Variants in SSR1 observed in about 807,000 individuals in gnomAD.
The protein encoded by SSR1 is signal sequence receptor subunit 1.
A neutral mutation model predicts 36.1 loss-of-function variants in SSR1; 13 were observed. The observed-to-expected ratio is 0.36, with a 90% CI of 0.23 to 0.57. The LOEUF is 0.57. SSR1 is among the 20% of genes least tolerant of loss of function. The pLI is 0.81. For missense variants in SSR1, 291 were observed against 338.5 expected, an observed-to-expected ratio of 0.86 and a Z score of 1.10; for synonymous variants, 113 against 118.9, an observed-to-expected ratio of 0.95 and a Z score of 0.32.
In SSR1 at chr6:7,289,709, T is replaced by G; in HGVS notation, c.*155A>C. 1.5e-6 allele frequency: 1 copy of G among 665,234 alleles called. No individual in the cohort carries two copies. The highest frequency in any genetic ancestry group is 2.5e-6 in the Non-Finnish European group (1 of 407,912). The allele number at this position is 665,234 out of a possible 1,614,324, so 41.2% of individuals were successfully genotyped here. ...TTAGAAAAATGAATGCAGTGCATTT[T>G]CAGCAATATTATCGCCACAGACTCT... On this transcript the variant is annotated 3_prime_UTR_variant, in exon 8 of 8. Transcript: ENST00000244763.
intron 2 of SSR1, among the ~76,000 whole-genome samples, chr6:7,306,651 T>G (rs955050348): frequency 7.9e-5 from 12 of 151,254 alleles, no homozygotes; most frequent in Middle Eastern, 3.4e-3. Context: ...GTGCAGTGGC[T>G]CATGCCTGTA....
At chr6:7,298,555 C>T (rs894366237) in intron 5 of SSR1, 192 bp downstream of exon 5, 1 of 533,830 alleles carries the variant, frequency 1.9e-6, no homozygotes, top group Admixed American at 3.3e-5. Flanking sequence ...CCATCAGTTT[C>T]AACTATCTTT....
chr6:7,311,082 T>C (rs1382910874), intron 1 of SSR1, among the ~76,000 whole-genome samples: 1 of 152,232 alleles, frequency 6.6e-6, no homozygotes, highest in Non-Finnish European at 1.5e-5. Flanking sequence ...ATGAAAAACA[T>C]TGTTTAGTAA....
intron 1 of SSR1, among the ~76,000 whole-genome samples, chr6:7,310,372 C>T (rs983063415): frequency 5.3e-5 from 8 of 151,966 alleles, no homozygotes; most frequent in African/African-American, 1.7e-4. Context: ...GGACTAGAGG[C>T]GTGAACCACT....
At chr6:7,302,536 C>T (rs576358397) in intron 3 of SSR1, among the ~76,000 whole-genome samples, 2 of 152,074 alleles carry the variant, frequency 1.3e-5, no homozygotes, top group South Asian at 2.1e-4. Context: ...GAGGCAGAGG[C>T]GGGCGGATCA....
intron 7 of SSR1, among the ~76,000 whole-genome samples, chr6:7,292,981 C>T (rs1016468766): frequency 1.1e-4 from 16 of 152,116 alleles, no homozygotes; most frequent in African/African-American, 3.6e-4. Context: ...ACAGCCAATT[C>T]ACAGGAAAAG....
At chr6:7,290,007 A>G (rs1757647257) in intron 7 of SSR1, 76 bp from the exon 8 acceptor site, 1 of 1,270,370 alleles carries the variant, frequency 7.9e-7, no homozygotes, top group African/African-American at 1.6e-5. Context: ...AAAAGTATTT[A>G]CCTTCAACTT....
At chr6:7,299,092 A>G (rs951086751) in intron 4 of SSR1, among the ~76,000 whole-genome samples, 59 of 151,894 alleles carry the variant, frequency 3.9e-4, no homozygotes, top group African/African-American at 1.3e-3. Flanking sequence ...GACTGCTTGA[A>G]CCCAGGACTT....
At position 7,281,246 on chromosome 6, in the gene SSR1, C is replaced by T. The variant is rs1757412893; in HGVS notation, c.*8618G>A. 1.3e-5 allele frequency: 2 copies of T among 152,126 alleles called. No individual in the cohort carries two copies. The highest frequency in any genetic ancestry group is 6.6e-5 in the Admixed American group (1 of 15,266). 9.4% of individuals were successfully genotyped at this position (152,126 alleles called of 1,614,324 possible). On this transcript the variant is annotated 3_prime_UTR_variant, in exon 8 of 8. Coordinates refer to ENST00000244763, the MANE Select transcript of SSR1 (RefSeq NM_003144.5). ...AGGAGGTTAGACCAGTAACAACAAC[C>T]AAGAAAGCAAAGTGCTCGTTTCCAT...
intron 6 of SSR1, chr6:7,297,146 G>A (rs1189355918): frequency 3.9e-5 from 13 of 332,414 alleles, no homozygotes; most frequent in East Asian, 3.1e-4. Flanking sequence ...CTTGAGCCCC[G>A]AAGGCGGAGG....
chr6:7,288,961 G>A lies in SSR1; in HGVS notation c.*903C>T, dbSNP rs1319675464. The A allele has an allele frequency of 6.6e-6, 1 of 152,082 alleles. No individual in the cohort carries two copies. The highest frequency in any genetic ancestry group is 1.5e-5 in the Non-Finnish European group (1 of 68,014). The allele number at this position is 152,082 out of a possible 1,614,324, so 9.4% of individuals were successfully genotyped here. A position where few individuals can be genotyped will look rare whatever the true frequency, so the allele number is the denominator to read the frequency against. Reference sequence around the variant, plus strand: ...GGAAATATCTCTGTCCTGATAACTTGGTTTTCTGCTTAGTGTGTGGACCAA... The same window carrying A: ...GGAAATATCTCTGTCCTGATAACTTAGTTTTCTGCTTAGTGTGTGGACCAA... On this transcript the variant is annotated 3_prime_UTR_variant, in exon 8 of 8. Coordinates refer to ENST00000244763, the MANE Select transcript of SSR1 (RefSeq NM_003144.5).
intron 6 of SSR1, among the ~76,000 whole-genome samples, chr6:7,296,598 A>C (rs918914987): frequency 2.0e-5 from 3 of 152,098 alleles, no homozygotes; most frequent in Admixed American, 2.0e-4. Flanking sequence ...AAAATTGTTT[A>C]TATTTTCCCA....
At chr6:7,302,104 GA>G (rs1249263113) in intron 3 of SSR1, among the ~76,000 whole-genome samples, 1 of 151,978 alleles carries the variant, frequency 6.6e-6, no homozygotes, top group Admixed American at 6.5e-5. Context: ...AAAAATGGAA[GA>G]AAAAAAGCAT....
chr6:7,295,588 G>A (rs971744947), intron 6 of SSR1, 103 bp from the exon 7 acceptor site: 2 of 762,246 alleles, frequency 2.6e-6, no homozygotes, highest in Non-Finnish European at 4.0e-6. Flanking sequence ...CAGGCTGCCT[G>A]GAACTCCTGG....
At chr6:7,301,284 C>T in intron 4 of SSR1, 26 bp downstream of exon 4, 3 of 1,605,278 alleles carry the variant, frequency 1.9e-6, no homozygotes, top group Non-Finnish European at 2.5e-6. Flanking sequence ...CTAACTTAAA[C>T]AAAAAGAAGG....
rs1310172748 is a variant in SSR1 at position 7,282,902 on chromosome 6, C to T, written c.*6962G>A. On this transcript the variant is annotated 3_prime_UTR_variant, in exon 8 of 8. Transcript: ENST00000244763. ...TGCAAGGCCTTAAAATGCATTCACT[C>T]TAATAAACTGCTCTGTAGAATTCAA... 6.6e-6 allele frequency: 1 copy of T among 152,226 alleles called. No homozygotes were observed. Among genetic ancestry groups the T allele is most frequent in the Non-Finnish European group, 1.5e-5 (1 of 68,042 alleles). 9.4% of individuals were successfully genotyped at this position (152,226 alleles called of 1,614,324 possible). A position where few individuals can be genotyped will look rare whatever the true frequency, so the allele number is the denominator to read the frequency against.
chr6:7,283,851 T>C lies in SSR1; in HGVS notation c.*6013A>G, dbSNP rs1469277035. 6.6e-6 allele frequency: 1 copy of C among 152,256 alleles called. No homozygotes were observed. The highest frequency in any genetic ancestry group is 1.5e-5 in the Non-Finnish European group (1 of 68,090). The allele number at this position is 152,256 out of a possible 1,614,324, so 9.4% of individuals were successfully genotyped here. ...TCCCTGCCAAAAGGCTCCTACCCTATTCCAACCAAGCCGGAAATGGCAACA... is the reference window on the plus strand; with the variant it reads ...TCCCTGCCAAAAGGCTCCTACCCTACTCCAACCAAGCCGGAAATGGCAACA... On this transcript the variant is annotated 3_prime_UTR_variant, in exon 8 of 8. Coordinates refer to ENST00000244763, the MANE Select transcript of SSR1 (RefSeq NM_003144.5).
At position 7,288,345 on chromosome 6, in the gene SSR1, A is replaced by G. The variant is rs1757600609; in HGVS notation, c.*1519T>C. On this transcript the variant is annotated 3_prime_UTR_variant, in exon 8 of 8. Transcript: ENST00000244763. ...CTCAAACACTTTATATTACAGATAT[A>G]GAGTTTATAATCCAGCAATGCCAAT... is the stretch of plus-strand genomic sequence containing the variant. 1.3e-5 allele frequency: 2 copies of G among 152,224 alleles called. No individual in the cohort carries two copies. Among genetic ancestry groups the G allele is most frequent in the South Asian group, 4.1e-4 (2 of 4,836 alleles). 9.4% of individuals were successfully genotyped at this position (152,224 alleles called of 1,614,324 possible). A position where few individuals can be genotyped will look rare whatever the true frequency, so the allele number is the denominator to read the frequency against.
At position 7,289,715 on chromosome 6, in the gene SSR1, AT is replaced by A. The variant is rs1463397780; in HGVS notation, c.*148del. On this transcript the variant is annotated 3_prime_UTR_variant, in exon 8 of 8. Coordinates refer to ENST00000244763, the MANE Select transcript of SSR1 (RefSeq NM_003144.5). ...AAATGAATGCAGTGCATTTTCAGCA[AT>A]ATTATCGCCACAGACTCTGATTGCT... 73 of 681,494 alleles carry A rather than the reference AT, an allele frequency of 1.1e-4. No homozygotes were observed. In the African/African-American group the frequency reaches 1.1e-3, roughly 11 times the overall value. The allele number at this position is 681,494 out of a possible 1,614,324, so 42.2% of individuals were successfully genotyped here.
Sources: gnomAD v4.1 joint callset for allele counts (sites outside exome capture counted in the v4.1 genomes callset) on GRCh38, gnomAD v4.1.1 for gene constraint, MANE v1.5 for transcripts, NCBI Gene and HGNC (gene_info 2026-07-23, HGNC 2026-07-21) for gene names.